Variants in BMPR1B observed in about 807,000 individuals in gnomAD.
BMPR1B encodes the protein bone morphogenetic protein receptor type-1B.
A neutral mutation model predicts 59.1 loss-of-function variants in BMPR1B; 12 were observed. The observed-to-expected ratio is 0.20, with a 90% CI of 0.13 to 0.33. The LOEUF (loss-of-function observed/expected upper bound fraction) is 0.33. BMPR1B is among the 10% of genes least tolerant of loss of function. The pLI is 1.00. For missense variants in BMPR1B, 550 were observed against 610.9 expected, an observed-to-expected ratio of 0.90 and a Z score of 1.05; for synonymous variants, 237 against 207.3, an observed-to-expected ratio of 1.14 and a Z score of -1.23.
chr4:95,148,726 C>T, intron 10 of BMPR1B, 22 bp from the exon 11 acceptor site: 2 of 1,611,638 alleles, frequency 1.2e-6, no homozygotes, highest in Non-Finnish European at 1.7e-6. Flanking sequence ...TGCTGTAATG[C>T]TTTGCTTTAC....
intron 1 of BMPR1B, among the ~76,000 whole-genome samples, chr4:94,872,282 A>C (rs1042453604): frequency 2.6e-5 from 4 of 152,232 alleles, no homozygotes; most frequent in African/African-American, 4.8e-5. Context: ...ATAAATGTAA[A>C]TATTTGTAGA....
At position 94,891,580 on chromosome 4, in the gene BMPR1B, T is replaced by G. The variant is rs186587220; in HGVS notation, c.-113+15680T>G. ...AGTAATCCTGAGCTTAAAACAGTAG[T>G]GGCCACACATTCTAATCCTGGCACA... On this transcript the variant is annotated intron_variant, in intron 2 of 12. Coordinates refer to ENST00000515059, the MANE Select transcript of BMPR1B (RefSeq NM_001203.3). Among the ~76,000 whole-genome samples the G allele has an allele frequency of 6.1e-3, 921 of 152,210 alleles. 4 individuals carry two copies. The highest frequency in any genetic ancestry group is 0.021 in the African/African-American group (883 of 41,560).
chr4:94,777,578 G>C (rs975046519), intron 1 of BMPR1B, among the ~76,000 whole-genome samples: 2 of 152,126 alleles, frequency 1.3e-5, no homozygotes, highest in East Asian at 1.9e-4. Flanking sequence ...AATGGCAGAA[G>C]TGACCTTAAA....
At chr4:94,955,740 T>C (rs1225871787) in intron 2 of BMPR1B, among the ~76,000 whole-genome samples, 2 of 151,790 alleles carry the variant, frequency 1.3e-5, no homozygotes, top group Admixed American at 1.3e-4. Context: ...GCGATTCTCC[T>C]GTCTTAGCCT....
intron 11 of BMPR1B, among the ~76,000 whole-genome samples, chr4:95,151,089 A>C (rs1735005681): frequency 6.6e-6 from 1 of 152,178 alleles, no homozygotes; most frequent in Admixed American, 6.5e-5. Context: ...TCTGGGTGAA[A>C]GAGACACATC....
chr4:94,944,474 A>G (rs1448756893), intron 2 of BMPR1B, among the ~76,000 whole-genome samples: 1 of 152,138 alleles, frequency 6.6e-6, no homozygotes, highest in African/African-American at 2.4e-5. Flanking sequence ...ATAATGCATT[A>G]TTGATTTGCA....
intron 2 of BMPR1B, among the ~76,000 whole-genome samples, chr4:94,915,098 C>T (rs1227430703): frequency 6.6e-6 from 1 of 152,054 alleles, no homozygotes; most frequent in East Asian, 1.9e-4. Flanking sequence ...ACCTCCTCAA[C>T]CTTGACAGGT....
At chr4:95,096,994 GTA>G (rs1370020531) in intron 3 of BMPR1B, among the ~76,000 whole-genome samples, 1 of 141,490 alleles carries the variant, frequency 7.1e-6, no homozygotes, top group African/African-American at 2.6e-5. Context: ...TTAATATATA[GTA>G]TATGATATAA....
chr4:94,812,755 G>T (rs10000023), intron 1 of BMPR1B, among the ~76,000 whole-genome samples: 86,281 of 151,912 alleles, frequency 0.57, 24,720 homozygotes, highest in Middle Eastern at 0.67. Context: ...TGCTAGAATT[G>T]GGGGGTTAGT....
chr4:95,054,599 C>G (rs1399192195), intron 3 of BMPR1B, among the ~76,000 whole-genome samples: 1 of 152,000 alleles, frequency 6.6e-6, no homozygotes, highest in Non-Finnish European at 1.5e-5. Context: ...ACTATCCTAC[C>G]CCTTTATTCT....
chr4:95,053,124 T>C (rs1162382307), intron 3 of BMPR1B, among the ~76,000 whole-genome samples: 1 of 152,322 alleles, frequency 6.6e-6, no homozygotes, highest in Non-Finnish European at 1.5e-5. Flanking sequence ...CATAAAATGC[T>C]AACCTTAGAA....
At chr4:94,865,828 C>T (rs1726208517) in intron 1 of BMPR1B, among the ~76,000 whole-genome samples, 2 of 152,106 alleles carry the variant, frequency 1.3e-5, no homozygotes, top group South Asian at 4.1e-4. Flanking sequence ...ATAACAGACT[C>T]ATTGAAAAAC....
chr4:94,784,116 T>G (rs1002943589), intron 1 of BMPR1B, among the ~76,000 whole-genome samples: 1 of 152,218 alleles, frequency 6.6e-6, no homozygotes, highest in African/African-American at 2.4e-5. Flanking sequence ...AAGTGTTTTC[T>G]TAGTTTTTTA....
chr4:94,900,120 T>TC (rs1191342154), intron 2 of BMPR1B, among the ~76,000 whole-genome samples: 22 of 152,000 alleles, frequency 1.4e-4, no homozygotes, highest in Middle Eastern at 3.4e-3. Context: ...AAACAGGATT[T>TC]TTTTTTTTTA....
chr4:94,892,564 G>A (rs1473901958), intron 2 of BMPR1B, among the ~76,000 whole-genome samples: 2 of 151,958 alleles, frequency 1.3e-5, no homozygotes, highest in African/African-American at 2.4e-5. Flanking sequence ...GTAATATTTA[G>A]TCATGTTTAA....
At chr4:94,971,771 C>T (rs1164856357) in intron 2 of BMPR1B, among the ~76,000 whole-genome samples, 2 of 151,680 alleles carry the variant, frequency 1.3e-5, no homozygotes, top group African/African-American at 4.8e-5. Flanking sequence ...ACGTTTATGA[C>T]CATGAAATTG....
intron 3 of BMPR1B, among the ~76,000 whole-genome samples, chr4:95,040,961 T>C (rs1725613190): frequency 6.6e-6 from 1 of 152,204 alleles, no homozygotes; most frequent in Non-Finnish European, 1.5e-5. Context: ...AGTACAGGCC[T>C]ATGCAAGGAA....
At chr4:95,078,906 C>T (rs781074434) in intron 3 of BMPR1B, among the ~76,000 whole-genome samples, 2 of 152,082 alleles carry the variant, frequency 1.3e-5, no homozygotes, top group Non-Finnish European at 2.9e-5. Flanking sequence ...CACAGGTGTA[C>T]ACCACCACAC....
intron 3 of BMPR1B, among the ~76,000 whole-genome samples, chr4:95,027,053 C>T (rs28663472): frequency 0.43 from 64,818 of 151,726 alleles, 14,369 homozygotes; most frequent in East Asian, 0.71. Flanking sequence ...GTGTGAGCCA[C>T]TATGCTCAGC....
Sources: gnomAD v4.1 joint callset for allele counts (sites outside exome capture counted in the v4.1 genomes callset) on GRCh38, gnomAD v4.1.1 for gene constraint, MANE v1.5 for transcripts, NCBI Gene and HGNC (gene_info 2026-07-23, HGNC 2026-07-21) for gene names.